Variants in PCNX2 observed in about 807,000 individuals in gnomAD.
PCNX2 encodes the protein pecanex 2.
PCNX2 carries 168 observed loss-of-function variants against 223.8 expected under a neutral mutation model. The observed-to-expected ratio is 0.75, with a 90% CI of 0.66 to 0.85. The LOEUF (loss-of-function observed/expected upper bound fraction) is 0.85. PCNX2 is among the 40% of genes least tolerant of loss of function. The pLI, the probability that PCNX2 is intolerant of heterozygous loss-of-function variation, is 0.00. For missense variants in PCNX2, 2,507 were observed against 2,675.5 expected (o/e 0.94, Z 1.39); for synonymous variants, 1,006 against 1,052.6 (o/e 0.96, Z 0.86).
chr1:233,144,638 G>A (rs762911875), intron 19 of PCNX2, among the ~76,000 whole-genome samples: 3 of 152,238 alleles, frequency 2.0e-5, no homozygotes, highest in Admixed American at 1.3e-4. Flanking sequence ...TCATGCAGAC[G>A]AGTATCTTTT....
intron 19 of PCNX2, among the ~76,000 whole-genome samples, chr1:233,152,682 T>C (rs1193340862): frequency 6.6e-6 from 1 of 152,216 alleles, no homozygotes; most frequent in Non-Finnish European, 1.5e-5. Flanking sequence ...AAACTGTATG[T>C]ATGACATGTA....
Position 232,983,646 on chromosome 1 carries a change from TA to T in PCNX2, c.*657del, listed in dbSNP as rs1469798817. 1 of 152,216 alleles carries T rather than the reference TA, an allele frequency of 6.6e-6. No homozygotes were observed. Among genetic ancestry groups the T allele is most frequent in the Non-Finnish European group, 1.5e-5 (1 of 68,032 alleles). The allele number at this position is 152,216 out of a possible 1,614,324, so 9.4% of individuals were successfully genotyped here. ...GGACTCAGTTTCTAAACTCACATCC[TA>T]ACGTATCCTGGCTTTTCACAGAATA... On this transcript the variant is annotated 3_prime_UTR_variant, in exon 34 of 34. Transcript: ENST00000258229.
Position 233,263,181 on chromosome 1 carries a change from C to G in PCNX2, c.154-18G>C, listed in dbSNP as rs1033324. 521,530 of 1,567,042 alleles carry G rather than the reference C, an allele frequency of 0.33. 88,911 individuals carry two copies. The highest frequency in any genetic ancestry group is 0.46 in the South Asian group (39,425 of 86,518). On this transcript the variant is annotated intron_variant, in intron 1 of 33. Coordinates refer to ENST00000258229, the MANE Select transcript of PCNX2 (RefSeq NM_014801.4). ...GGAAAAGCCTGAAGAAAGGAAAAGA[C>G]AGAGAAAAATCATTTGCTTTTAAGA...
rs112445996 is a variant in PCNX2, at chr1:233,101,121, C to T, written c.3838-5258G>A. The stretch of plus-strand genomic sequence containing the variant: ...AAATTTGGAGGTTCACAGGGAACCA[C>T]GTTAATGAATTGAGGAGGGAGCCCA... On this transcript the variant is annotated intron_variant, in intron 21 of 33. Coordinates refer to ENST00000258229, the MANE Select transcript of PCNX2 (RefSeq NM_014801.4). Among the ~76,000 whole-genome samples the T allele has an allele frequency of 4.4e-3, 674 of 152,080 alleles. 4 individuals are homozygous for T. The highest frequency in any genetic ancestry group is 0.016 in the African/African-American group (652 of 41,476).
chr1:232,986,570 A>T (rs1180564390), intron 32 of PCNX2, 30 bp from the exon 33 acceptor site: 1 of 1,474,428 alleles, frequency 6.8e-7, no homozygotes, highest in Non-Finnish European at 9.0e-7. Flanking sequence ...ACAGAGTTGT[A>T]GCGGGTGGGT....
chr1:233,193,808 A>G (rs1680557782), intron 15 of PCNX2, among the ~76,000 whole-genome samples: 1 of 152,282 alleles, frequency 6.6e-6, no homozygotes, highest in South Asian at 2.1e-4. Flanking sequence ...TAGACACAGC[A>G]GGAGAAAGAA....
chr1:233,319,664 T>C, the PCNX2 span, among the ~76,000 whole-genome samples: 16 of 152,356 alleles, frequency 1.1e-4, no homozygotes, highest in East Asian at 2.9e-3. Flanking sequence ...CTTGAACAAG[T>C]GCTTTATCGG....
At chr1:233,094,541 C>T (rs1674049955) in intron 22 of PCNX2, among the ~76,000 whole-genome samples, 1 of 152,106 alleles carries the variant, frequency 6.6e-6, no homozygotes, top group Non-Finnish European at 1.5e-5. Context: ...TTGTGAGATC[C>T]ACTCTTCGTA....
chr1:233,000,599 T>C lies in PCNX2; in HGVS notation c.5098-64A>G. The C allele has an allele frequency of 7.3e-7, 1 of 1,360,750 alleles. No homozygotes were observed. Among genetic ancestry groups the C allele is most frequent in the Non-Finnish European group, 1.0e-6 (1 of 991,302 alleles). The allele number at this position is 1,360,750 out of a possible 1,614,324, so 84.3% of individuals were successfully genotyped here. On this transcript the variant is annotated intron_variant, in intron 29 of 33. Transcript: ENST00000258229. This position sits in a 1 kb window ranked among gnomAD's most constrained non-coding sequence, Gnocchi z 4.6. Reference sequence around the variant, plus strand: ...CAGAGGAACTCACCCCCAGGAAGCATGCAGATGGCAACTGGCCAGTGACCT... The same window carrying C: ...CAGAGGAACTCACCCCCAGGAAGCACGCAGATGGCAACTGGCCAGTGACCT...
chr1:233,060,955 TC>T (rs1201248411), intron 23 of PCNX2, among the ~76,000 whole-genome samples: 1 of 152,206 alleles, frequency 6.6e-6, no homozygotes, highest in African/African-American at 2.4e-5. Context: ...ACTTGGCCTT[TC>T]CACCCCATGG....
intron 32 of PCNX2, among the ~76,000 whole-genome samples, chr1:232,997,104 C>T (rs1259700993): frequency 6.6e-6 from 1 of 152,148 alleles, no homozygotes; most frequent in Non-Finnish European, 1.5e-5. Context: ...CCTGCCCCGC[C>T]TTTTTCCCCT....
chr1:233,311,749 C>CA, the PCNX2 span, among the ~76,000 whole-genome samples: 5 of 151,932 alleles, frequency 3.3e-5, no homozygotes, highest in Admixed American at 6.6e-5. Context: ...AAAATAATAA[C>CA]AAAAAACCCA....
At position 233,276,833 on chromosome 1, in the gene PCNX2, C is replaced by T. The variant is rs915049108; in HGVS notation, c.154-13670G>A. Among the ~76,000 whole-genome samples the T allele has an allele frequency of 5.9e-5, 9 of 152,182 alleles. 1 individual carries two copies. The highest frequency in any genetic ancestry group is 5.8e-4 in the East Asian group (3 of 5,192). Reference sequence around the variant, plus strand: ...CTGTTCCATATTCTGTGCCAGGCACCGTGCATGGCACTTTGGGGTAGAACT... The same window carrying T: ...CTGTTCCATATTCTGTGCCAGGCACTGTGCATGGCACTTTGGGGTAGAACT... On this transcript the variant is annotated intron_variant, in intron 1 of 33. Coordinates refer to ENST00000258229, the MANE Select transcript of PCNX2 (RefSeq NM_014801.4).
intron 10 of PCNX2, among the ~76,000 whole-genome samples, chr1:233,222,959 C>T (rs1019978837): frequency 2.6e-5 from 4 of 152,052 alleles, no homozygotes; most frequent in East Asian, 1.9e-4. Flanking sequence ...GATATAAATC[C>T]GAGTGTCACT....
intron 12 of PCNX2, among the ~76,000 whole-genome samples, chr1:233,213,337 G>A (rs989577908): frequency 1.2e-4 from 19 of 152,050 alleles, no homozygotes; most frequent in Admixed American, 1.1e-3. Flanking sequence ...TTGGTGCCCT[G>A]GATGGGAACC....
chr1:233,036,682 A>T (rs1671468771), intron 25 of PCNX2, among the ~76,000 whole-genome samples: 1 of 152,098 alleles, frequency 6.6e-6, no homozygotes, highest in Non-Finnish European at 1.5e-5. Flanking sequence ...TTAAGATTGC[A>T]CAATAGAAAT....
rs34818026 is a variant in PCNX2, at chr1:233,218,209, CAAA to C, written c.2505-28_2505-26del. 635 of 275,170 alleles carry C rather than the reference CAAA, an allele frequency of 2.3e-3. 1 individual carries two copies. Among genetic ancestry groups the C allele is most frequent in the African/African-American group, 0.017 (362 of 21,750 alleles). The allele number at this position is 275,170 out of a possible 1,614,324, so 17.0% of individuals were successfully genotyped here. On this transcript the variant is annotated intron_variant, in intron 10 of 33. Transcript: ENST00000258229. ...TCTGTGCAAAATATATACATAAAAG[CAAA>C]AAAAAAAAAAAAAAAAAAAAGTGTA...
intron 21 of PCNX2, among the ~76,000 whole-genome samples, chr1:233,115,711 A>G (rs1675368960): frequency 6.6e-6 from 1 of 152,236 alleles, no homozygotes; most frequent in Admixed American, 6.5e-5. Context: ...TGAGAGTTCT[A>G]GTGGAAAATG....
chr1:233,221,180 G>A (rs532137507), intron 10 of PCNX2, among the ~76,000 whole-genome samples: 1 of 124,566 alleles, frequency 8.0e-6, no homozygotes, highest in Middle Eastern at 3.7e-3. Context: ...TAATCATGAG[G>A]CTCAAGTTGA....
Sources: allele counts gnomAD v4.1 joint callset (sites outside exome capture counted in the v4.1 genomes callset), GRCh38; gene constraint gnomAD v4.1.1; non-coding constraint Gnocchi (gnomAD v3.1); transcripts MANE v1.5; gene names NCBI Gene and HGNC (gene_info 2026-07-23, HGNC 2026-07-21).